The following PTPRD variants were observed in gnomAD, a reference collection of about 807,000 sequenced individuals.
PTPRD encodes the protein protein tyrosine phosphatase receptor type D.
A neutral mutation model predicts 214.5 loss-of-function variants in PTPRD; 34 were observed. The ratio of observed to expected loss-of-function variants is 0.16; its 90% CI spans 0.12 to 0.21. The LOEUF is 0.21. Among genes scored for constraint, PTPRD ranks in the 10% least tolerant of loss-of-function variants. PTPRD has a pLI of 1.00. For missense variants in PTPRD, 2,545 were observed against 2,398.7 expected (o/e 1.06, Z -1.27); for synonymous variants, 1,128 against 845.7 (o/e 1.33, Z -5.79).
intron 14 of PTPRD, among the ~76,000 whole-genome samples, chr9:8,549,424 A>G (rs1404743859): frequency 1.3e-5 from 2 of 152,234 alleles, no homozygotes; most frequent in East Asian, 3.8e-4. Context: ...AGCTGGAATC[A>G]TGCAGATGGA....
chr9:9,014,581 T>A (rs1485479637), intron 11 of PTPRD, among the ~76,000 whole-genome samples: 1 of 152,178 alleles, frequency 6.6e-6, no homozygotes, highest in Non-Finnish European at 1.5e-5. Flanking sequence ...AGAGGAAATA[T>A]GTGTGTTTAT....
intron 9 of PTPRD, among the ~76,000 whole-genome samples, chr9:9,239,836 C>G (rs1399097772): frequency 1.3e-5 from 2 of 152,138 alleles, no homozygotes; most frequent in African/African-American, 2.4e-5. Flanking sequence ...GGCTTGTGCT[C>G]TATCCCTGGT....
Position 8,461,815 on chromosome 9 carries a change from T to A in PTPRD, c.3715-1244A>T, listed in dbSNP as rs201033886. Among the ~76,000 whole-genome samples the A allele has an allele frequency of 1.1e-4, 16 of 151,854 alleles. No homozygotes were observed. In the East Asian group the frequency reaches 1.6e-3, roughly 15 times the overall value. On this transcript the variant is annotated intron_variant, in intron 32 of 45. Coordinates refer to ENST00000381196, the MANE Select transcript of PTPRD (RefSeq NM_002839.4). The stretch of plus-strand genomic sequence containing the variant: ...ATCCTATAGACAAACATTCTTTTTT[T>A]AAAAAAATTTTTTTTATAGAGATGG...
intron 8 of PTPRD, among the ~76,000 whole-genome samples, chr9:9,556,576 C>T (rs2081569863): frequency 6.6e-6 from 1 of 152,180 alleles, no homozygotes; most frequent in Non-Finnish European, 1.5e-5. Context: ...CTGGTGCCTT[C>T]CCACATTGTA....
intron 9 of PTPRD, among the ~76,000 whole-genome samples, chr9:9,329,119 A>G (rs919606186): frequency 6.6e-6 from 1 of 152,092 alleles, no homozygotes; most frequent in Non-Finnish European, 1.5e-5. Flanking sequence ...ACCACCTCCA[A>G]TTGTGCAGTA....
intron 4 of PTPRD, among the ~76,000 whole-genome samples, chr9:9,984,391 TTCAGACC>T (rs2095639643): frequency 6.6e-6 from 1 of 152,160 alleles, no homozygotes; most frequent in Non-Finnish European, 1.5e-5. Flanking sequence ...AAGGCTGGGG[TTCAGACC>T]TTATTGGAGA....
chr9:8,895,905 A>T (rs961060049), intron 11 of PTPRD, among the ~76,000 whole-genome samples: 6 of 152,228 alleles, frequency 3.9e-5, no homozygotes, highest in Admixed American at 6.5e-5. Context: ...GCACTTGTTA[A>T]TTCCGAGGTT....
Position 9,812,565 on chromosome 9 carries a change from C to CA in PTPRD, c.-367-45715dup, listed in dbSNP as rs35380041. Among the ~76,000 whole-genome samples the CA allele has an allele frequency of 1.9e-4, 29 of 151,436 alleles. No individual in the cohort carries two copies. The South Asian group carries it at 6.0e-3, about 32-fold the overall frequency. On this transcript the variant is annotated intron_variant, in intron 5 of 45. Coordinates refer to ENST00000381196, the MANE Select transcript of PTPRD (RefSeq NM_002839.4). ...ATAGACTTTCAGTCAAAATCTGTCA[C>CA]AAAAAAAGTCACTATATAATGATAA...
At chr9:9,836,726 T>C (rs922004389) in intron 5 of PTPRD, among the ~76,000 whole-genome samples, 1 of 152,174 alleles carries the variant, frequency 6.6e-6, no homozygotes, top group East Asian at 1.9e-4. Flanking sequence ...CTGTGTGAAT[T>C]TGAGCAAGTT....
intron 3 of PTPRD, among the ~76,000 whole-genome samples, chr9:10,083,728 G>A (rs536258807): frequency 1.6e-4 from 24 of 152,044 alleles, no homozygotes; most frequent in Admixed American, 9.2e-4. Flanking sequence ...GGTAGGAGTC[G>A]GGGGTGGATG....
chr9:10,133,462 C>T (rs745967736), intron 3 of PTPRD, among the ~76,000 whole-genome samples: 7 of 151,774 alleles, frequency 4.6e-5, no homozygotes, highest in Admixed American at 6.6e-5. Context: ...GAATATAATA[C>T]AAGAATAAAA....
intron 2 of PTPRD, among the ~76,000 whole-genome samples, chr9:10,550,769 C>T (rs2061163514): frequency 6.6e-6 from 1 of 152,218 alleles, no homozygotes; most frequent in Admixed American, 6.5e-5. Flanking sequence ...CTATCTATCT[C>T]AGCTTCAGCT....
intron 8 of PTPRD, among the ~76,000 whole-genome samples, chr9:9,440,720 A>G (rs906196304): frequency 3.9e-5 from 6 of 152,232 alleles, no homozygotes; most frequent in Admixed American, 6.5e-5. Flanking sequence ...TAATTATTCC[A>G]TATTTATTGA....
intron 11 of PTPRD, among the ~76,000 whole-genome samples, chr9:9,016,195 C>A (rs753248092): frequency 6.6e-6 from 1 of 152,140 alleles, no homozygotes; most frequent in South Asian, 2.1e-4. Flanking sequence ...CTCCCTCAAA[C>A]ATTTGTCTTT....
chr9:9,546,724 T>C (rs2078890779), intron 8 of PTPRD, among the ~76,000 whole-genome samples: 1 of 152,046 alleles, frequency 6.6e-6, no homozygotes, highest in South Asian at 2.1e-4. Flanking sequence ...TTATAATATG[T>C]TCCACTAAGT....
At chr9:8,348,703 T>C (rs989041587) in intron 39 of PTPRD, among the ~76,000 whole-genome samples, 1 of 152,180 alleles carries the variant, frequency 6.6e-6, no homozygotes, top group African/African-American at 2.4e-5. Context: ...TCCTCAGCAC[T>C]AGTTCAAATT....
intron 2 of PTPRD, among the ~76,000 whole-genome samples, chr9:10,507,369 T>C (rs833422): frequency 0.22 from 32,750 of 151,948 alleles, 4,186 homozygotes; most frequent in Admixed American, 0.35. Context: ...AATGGCCATA[T>C]TGCCCAAGGT....
At chr9:10,107,922 T>C (rs1276010103) in intron 3 of PTPRD, among the ~76,000 whole-genome samples, 1 of 152,152 alleles carries the variant, frequency 6.6e-6, no homozygotes, top group Admixed American at 6.5e-5. Context: ...TCTGGCATTA[T>C]TAATAATTTC....
intron 3 of PTPRD, among the ~76,000 whole-genome samples, chr9:10,067,037 C>A (rs1228865879): frequency 6.6e-6 from 1 of 151,466 alleles, no homozygotes; most frequent in African/African-American, 2.4e-5. Context: ...GAAAAAGAAA[C>A]TTGGGCATTT....
Sources: allele counts gnomAD v4.1 joint callset (sites outside exome capture counted in the v4.1 genomes callset), GRCh38; gene constraint gnomAD v4.1.1; transcripts MANE v1.5; gene names NCBI Gene and HGNC (gene_info 2026-07-23, HGNC 2026-07-21).